Variants in TM9SF1 observed in about 807,000 individuals in gnomAD.
The protein encoded by TM9SF1 is transmembrane 9 superfamily member 1.
In TM9SF1, 25 loss-of-function variants were observed where a neutral mutation model predicts 52.4. The observed-to-expected ratio is 0.48, with a 90% CI of 0.35 to 0.67. TM9SF1 has a LOEUF of 0.67. Among genes scored for constraint, TM9SF1 ranks in the 30% least tolerant of loss-of-function variants. TM9SF1 has a pLI of 0.01. For synonymous variants in TM9SF1, 284 were observed against 299.8 expected, an observed-to-expected ratio of 0.95 and a Z score of 0.55; for missense variants, 604 against 780.3, an observed-to-expected ratio of 0.77 and a Z score of 2.69.
At chr14:24,190,000 A>C in intron 5 of TM9SF1, 192 bp from the exon 6 acceptor site, 1 of 1,391,242 alleles carries the variant, frequency 7.2e-7, no homozygotes, top group South Asian at 1.8e-5. Flanking sequence ...TCTCACTTCA[A>C]GAATATCTTC....
Position 24,194,853 on chromosome 14 carries a change from T to C in TM9SF1, c.167A>G (p.Gln56Arg), listed in dbSNP as rs1403600644. Residue 56 changes from glutamine (Q) to arginine (R), a missense_variant, in exon 2 of 6, where the codon CAG (glutamine) becomes CGG (arginine). This residue lies in a region of TM9SF1 where 450 missense variants were observed against 560.1 expected (regional missense o/e 0.80). Transcript: ENST00000261789. ...AAGCTGATAGTAGTGGTAAGTTTCC[T>C]GAGGGTTATGGTAGGGTCCCACTTT... ...VNKVGPYHNP[Q>R]ETYHYYQLPV... 2 of 1,614,134 alleles carry C rather than the reference T, an allele frequency of 1.2e-6. No individual in the cohort carries two copies. Among genetic ancestry groups the C allele is most frequent in the East Asian group, 4.5e-5 (2 of 44,900 alleles).
rs577364949 is a variant in TM9SF1, at chr14:24,193,685, C to A, written c.346-416G>T. 4.0e-5 allele frequency among the ~76,000 whole-genome samples: 6 copies of A among 150,550 alleles called. No homozygotes were observed. The South Asian group carries it at 1.3e-3, about 32-fold the overall frequency. ...CCTGTAATCCCAACACTTTGGGAGG[C>A]CGAGGCGGGCAGATCACGAGGTCAG... On this transcript the variant is annotated intron_variant, in intron 2 of 5. Coordinates refer to ENST00000261789, the MANE Select transcript of TM9SF1 (RefSeq NM_006405.7).
At chr14:24,190,683 C>A in intron 4 of TM9SF1, 30 bp from the exon 5 acceptor site, 1 of 1,581,742 alleles carries the variant, frequency 6.3e-7, no homozygotes, top group South Asian at 1.2e-5. Context: ...GAGGGAGGGT[C>A]AACACTAGGA....
rs2039381938 is a variant in TM9SF1 at position 24,195,274 on chromosome 14, G to A, written c.-18+72C>T. 5 of 496,528 alleles carry A rather than the reference G, an allele frequency of 1.0e-5. No homozygotes were observed. In the Admixed American group the frequency reaches 1.8e-4, roughly 18 times the overall value. 30.8% of individuals were successfully genotyped at this position (496,528 alleles called of 1,614,324 possible). On this transcript the variant is annotated intron_variant, in intron 1 of 5. Coordinates refer to ENST00000261789, the MANE Select transcript of TM9SF1 (RefSeq NM_006405.7). ...CCCGGGGCCTCTACTACGCGCCCTG[G>A]CCCGTTTCCATGGCAACGCCGCTCG...
intron 2 of TM9SF1, 103 bp downstream of exon 2, chr14:24,194,572 T>A (rs2039370250): frequency 8.7e-7 from 1 of 1,146,314 alleles, no homozygotes; most frequent in Non-Finnish European, 1.3e-6. Context: ...GTAGTTAGAA[T>A]CAAATCAGAC....
chr14:24,192,050 G>A lies in TM9SF1; in HGVS notation c.1153+121C>T. 2.0e-6 allele frequency: 2 copies of A among 1,016,310 alleles called. 1 individual carries two copies. The highest frequency in any genetic ancestry group is 2.9e-5 in the South Asian group (2 of 70,022). 63.0% of individuals were successfully genotyped at this position (1,016,310 alleles called of 1,614,324 possible). ...TTGTCTCAAACTTTTGGGCTCAAGT[G>A]ATCCTCCGGCCTCGGTCTCCCAAAG... is the stretch of plus-strand genomic sequence containing the variant. On this transcript the variant is annotated intron_variant, in intron 4 of 5. Coordinates refer to ENST00000261789, the MANE Select transcript of TM9SF1 (RefSeq NM_006405.7). The surrounding 1 kb of genome is among the most constrained non-coding windows in gnomAD (Gnocchi z 4.0).
intron 2 of TM9SF1, among the ~76,000 whole-genome samples, chr14:24,194,211 G>C (rs1652091694): frequency 6.6e-6 from 1 of 152,170 alleles, no homozygotes; most frequent in South Asian, 2.1e-4. Flanking sequence ...CAGGGTTAAG[G>C]CCTAGAAAAA....
In TM9SF1 at chr14:24,189,355, G is replaced by C; in HGVS notation, c.*60C>G. ...CAGTCAATCAGAAGAGAAGCTGGTA[G>C]GAGAGTTCAACAGGGCATGAAGAAA... On this transcript the variant is annotated 3_prime_UTR_variant, in exon 6 of 6. Transcript: ENST00000261789. 1 of 1,516,606 alleles carries C rather than the reference G, an allele frequency of 6.6e-7. No individual in the cohort carries two copies. Among genetic ancestry groups the C allele is most frequent in the Non-Finnish European group, 8.9e-7 (1 of 1,126,338 alleles). The allele number at this position is 1,516,606 out of a possible 1,614,324, so 93.9% of individuals were successfully genotyped here. A position where few individuals can be genotyped will look rare whatever the true frequency, so the allele number is the denominator to read the frequency against.
At position 24,189,592 on chromosome 14, in the gene TM9SF1, G is replaced by A; in HGVS notation, c.1644C>T (p.Leu548=). 1 of 1,614,122 alleles carries A rather than the reference G, an allele frequency of 6.2e-7. No homozygotes were observed. The highest frequency in any genetic ancestry group is 8.5e-7 in the Non-Finnish European group (1 of 1,180,008). ...GCCGGGCATAATAGAAAACTGAGTA[G>A]AGGAAGATGAAGAGGCCGGTGGAGC... ...SVGSTGLFIF[L]YSVFYYARRS... is the part of the protein sequence containing the mutation. Residue 548 remains leucine, a synonymous_variant, in exon 6 of 6, where the codon CTC becomes CTT. Coordinates refer to ENST00000261789, the MANE Select transcript of TM9SF1 (RefSeq NM_006405.7).
rs765685488 is a variant in TM9SF1, at chr14:24,192,389, C to T, written c.968-33G>A. The T allele has an allele frequency of 3.1e-5, 50 of 1,597,916 alleles. No individual in the cohort carries two copies. Among genetic ancestry groups the T allele is most frequent in the Non-Finnish European group, 4.0e-5 (47 of 1,168,850 alleles). ...ACGGTAGCGGAAAGCCCAAGTTAGGCCTCACCTGTGTCTCTTCTAGCAATT... is the reference window on the plus strand; with the variant it reads ...ACGGTAGCGGAAAGCCCAAGTTAGGTCTCACCTGTGTCTCTTCTAGCAATT... On this transcript the variant is annotated intron_variant, in intron 3 of 5. Coordinates refer to ENST00000261789, the MANE Select transcript of TM9SF1 (RefSeq NM_006405.7). This position sits in a 1 kb window ranked among gnomAD's most constrained non-coding sequence, Gnocchi z 4.0.
At position 24,194,930 on chromosome 14, in the gene TM9SF1, C is replaced by T. The variant is rs1427201081; in HGVS notation, c.90G>A (p.Val30=). ...LLLGTGHGPG[V]EGVTHYKAGD... is the part of the protein sequence containing the mutation. ...CGGCCTTGTAGTGTGTCACGCCTTC[C>T]ACCCCTGGCCCATGGCCTGTGCCCA... is the stretch of plus-strand genomic sequence containing the variant. Residue 30 remains valine (V), a synonymous_variant, in exon 2 of 6, where the codon GTG becomes GTA. Transcript: ENST00000261789. 6.2e-7 allele frequency: 1 copy of T among 1,614,234 alleles called. No individual in the cohort carries two copies. Among genetic ancestry groups the T allele is most frequent in the South Asian group, 1.1e-5 (1 of 91,090 alleles).
chr14:24,191,673 C>G (rs1376533605), intron 4 of TM9SF1: 1 of 159,132 alleles, frequency 6.3e-6, no homozygotes, highest in Non-Finnish European at 1.4e-5. Flanking sequence ...TCCACACTGC[C>G]TAGGACATTT....
In TM9SF1 at chr14:24,190,478, T is replaced by C. The variant is rs1424584197; in HGVS notation, c.1329A>G (p.Ala443=). The change falls in exon 5 of 6, where the codon GCA becomes GCG. Residue 443 remains alanine (A), a synonymous_variant. Coordinates refer to ENST00000261789, the MANE Select transcript of TM9SF1 (RefSeq NM_006405.7). ...GGGCGATGTTCTTGGTGCGACAGGG[T>C]GCATCAAAGGGGCTGGCGTTGTTCT... ...FGKNNASPFD[A]PCRTKNIARE... is the part of the protein sequence containing the mutation. 6 of 1,614,004 alleles carry C rather than the reference T, an allele frequency of 3.7e-6. No homozygotes were observed. The highest frequency in any genetic ancestry group is 5.1e-6 in the Non-Finnish European group (6 of 1,179,984).
At position 24,190,601 on chromosome 14, in the gene TM9SF1, A is replaced by G; in HGVS notation, c.1206T>C (p.Gly402=). 1 of 1,614,104 alleles carries G rather than the reference A, an allele frequency of 6.2e-7. No homozygotes were observed. The highest frequency in any genetic ancestry group is 8.5e-7 in the Non-Finnish European group (1 of 1,180,006). ...SVVNSVHWAN[G]STQALPATTI... ...TTGTGGCTGGCAGAGCCTGTGTCGA[A>G]CCATTGGCCCAATGCACTGAGTTCA... is the stretch of plus-strand genomic sequence containing the variant. The change falls in exon 5 of 6, where the codon GGT becomes GGC. Residue 402 remains glycine, a synonymous_variant. Transcript: ENST00000261789.
Position 24,193,148 on chromosome 14 carries a change from T to C in TM9SF1, c.467A>G (p.Lys156Arg), listed in dbSNP as rs375381217. Reference sequence around the variant, plus strand: ...GTCCAAATGGGTCCAGAGTCCTATCTTGTGGCTGTGTGGCAGGAAACCACT... The same window carrying C: ...GTCCAAATGGGTCCAGAGTCCTATCCTGTGGCTGTGTGGCAGGAAACCACT... ...EESGFLPHSH[K>R]IGLWTHLDFH... The change falls in exon 3 of 6, where the codon AAG (lysine) becomes AGG (arginine). Residue 156 changes from lysine (K) to arginine (R), a missense_variant. Coordinates refer to ENST00000261789, the MANE Select transcript of TM9SF1 (RefSeq NM_006405.7). The C allele has an allele frequency of 1.1e-5, 17 of 1,614,072 alleles. No individual in the cohort carries two copies. The highest frequency in any genetic ancestry group is 1.4e-5 in the Non-Finnish European group (17 of 1,180,038).
chr14:24,194,824 C>T lies in TM9SF1; in HGVS notation c.196G>A (p.Val66Ile), dbSNP rs1468656268. The T allele has an allele frequency of 6.2e-7, 1 of 1,614,232 alleles. No individual in the cohort carries two copies. The highest frequency in any genetic ancestry group is 1.1e-5 in the South Asian group (1 of 91,088). Residue 66 changes from valine (V) to isoleucine (I), a missense_variant, in exon 2 of 6, where the codon GTC becomes ATC. This residue lies in a region of TM9SF1 where 450 missense variants were observed against 560.1 expected (regional missense o/e 0.80). Coordinates refer to ENST00000261789, the MANE Select transcript of TM9SF1 (RefSeq NM_006405.7). ...QETYHYYQLP[V>I]CCPEKIRHKS... ...TGACGTATCTTCTCAGGGCAGCAGA[C>T]TGGAAGCTGATAGTAGTGGTAAGTT...
Position 24,194,691 on chromosome 14 carries a change from T to C in TM9SF1, c.329A>G (p.Gln110Arg). The C allele has an allele frequency of 6.2e-7, 1 of 1,614,064 alleles. No individual in the cohort carries two copies. The highest frequency in any genetic ancestry group is 1.7e-4 in the Middle Eastern group (1 of 6,060). Residue 110 changes from glutamine (Q) to arginine (R), a missense_variant, in exon 2 of 6, where the codon CAG becomes CGG. This residue lies in a region of TM9SF1 where 450 missense variants were observed against 560.1 expected (regional missense o/e 0.80). Transcript: ENST00000261789. ...GAGGCTGACCTGTGCAGAACTGAGC[T>C]GCATGTGGCACAGAATTCTCTTCTC... ...NVEKRILCHM[Q>R]LSSAQVEQLR...
intron 2 of TM9SF1, 25 bp from the exon 3 acceptor site, chr14:24,193,294 G>C: frequency 6.4e-7 from 1 of 1,564,678 alleles, no homozygotes; most frequent in Non-Finnish European, 8.7e-7. Context: ...TCAGGAGTTG[G>C]TCACACAAGA....
In TM9SF1 at chr14:24,189,761, C is replaced by T. The variant is rs1262055050; in HGVS notation, c.1475G>A (p.Arg492Gln). ...LYYIFATVWG[R>Q]EQYTLYGILF... ...GATGCCGTACAAAGTGTACTGCTCC[C>T]GACCCCATACTGTGGCAAAGATGTA... Residue 492 changes from arginine to glutamine, a missense_variant, in exon 6 of 6, where the codon CGG (arginine) becomes CAG (glutamine). Coordinates refer to ENST00000261789, the MANE Select transcript of TM9SF1 (RefSeq NM_006405.7). 8 of 1,614,038 alleles carry T rather than the reference C, an allele frequency of 5.0e-6. No homozygotes were observed. The highest frequency in any genetic ancestry group is 1.1e-5 in the South Asian group (1 of 91,062).
Sources: allele counts gnomAD v4.1 joint callset (sites outside exome capture counted in the v4.1 genomes callset), GRCh38; gene constraint gnomAD v4.1.1; regional missense constraint gnomAD v4.1.1; non-coding constraint Gnocchi (gnomAD v3.1); transcripts MANE v1.5; gene names NCBI Gene and HGNC (gene_info 2026-07-23, HGNC 2026-07-21).